The following HUS1 variants were observed in gnomAD, a reference collection of about 807,000 sequenced individuals.
HUS1 encodes HUS1 checkpoint clamp component, also known as checkpoint protein HUS1.
In HUS1, 31 loss-of-function variants were observed where a neutral mutation model predicts 32.6. That is an observed-to-expected ratio of 0.95 (90% CI 0.72 to 1.28). The LOEUF is 1.28. Among genes scored for constraint, HUS1 ranks in the 50% most tolerant of loss-of-function variants. The pLI is 0.00. For synonymous variants in HUS1, 123 were observed against 116.6 expected (o/e 1.06, Z -0.36); for missense variants, 340 against 337.7 (o/e 1.01, Z -0.05).
At chr7:47,976,067 T>G in intron 4 of HUS1, 1 of 323,950 alleles carries the variant, frequency 3.1e-6, no homozygotes, top group Non-Finnish European at 6.0e-6. Context: ...CACCTATGAT[T>G]CAAGGGCCTT....
At chr7:47,971,347 A>C in intron 5 of HUS1, 1 of 367,236 alleles carries the variant, frequency 2.7e-6, no homozygotes, top group Non-Finnish European at 5.5e-6. Context: ...CAAACTCCAC[A>C]CGCCCAGGCT....
At position 47,969,290 on chromosome 7, in the gene HUS1, A is replaced by C; in HGVS notation, c.569T>G (p.Leu190Trp). The C allele has an allele frequency of 6.3e-7, 1 of 1,590,262 alleles. No homozygotes were observed. Among genetic ancestry groups the C allele is most frequent in the Non-Finnish European group, 8.6e-7 (1 of 1,161,522 alleles). The change falls in exon 6 of 8, where the codon TTG (leucine) becomes TGG (tryptophan). Residue 190 changes from leucine to tryptophan, a missense_variant. Physicochemically the swap from Leu to Trp is moderately conservative, Grantham distance 61 (BLOSUM62 -2). Transcript: ENST00000258774. ...TAATTCAGTTTCTATTTTCAAATTC[A>C]ATTCTCCATCTAGGTTTGCTTCAAT... The part of the protein sequence containing the change: ...LVIEANLDGE[L>W]NLKIETELVC...
intron 7 of HUS1, among the ~76,000 whole-genome samples, chr7:47,966,903 C>G (rs969767329): frequency 6.6e-6 from 1 of 152,242 alleles, no homozygotes; most frequent in Non-Finnish European, 1.5e-5. Context: ...ATATCTCCTT[C>G]TGTGCCCATC....
At chr7:47,969,161 A>T in intron 6 of HUS1, 58 bp downstream of exon 6, 1 of 795,894 alleles carries the variant, frequency 1.3e-6, no homozygotes, top group Non-Finnish European at 2.1e-6. Context: ...CTCAACAGGT[A>T]GGTTATCTGA....
In HUS1 at chr7:47,976,747, C is replaced by T; in HGVS notation, c.448G>A (p.Val150Met). The change falls in exon 4 of 8, where the codon GTG (valine) becomes ATG (methionine). Residue 150 changes from valine (V) to methionine (M), a missense_variant. Physicochemically the swap from Val to Met is conservative, Grantham distance 21 (BLOSUM62 1). Coordinates refer to ENST00000258774, the MANE Select transcript of HUS1 (RefSeq NM_004507.4). ...RKLWKDLQEP[V>M]VPDPDVSIYL... ...TCACCTACATCAGGATCTGGGACCA[C>T]CGGTTCTTGTAAGTCCTTCCACAAT... 6.2e-7 allele frequency: 1 copy of T among 1,609,872 alleles called. No homozygotes were observed. Among genetic ancestry groups the T allele is most frequent in the Non-Finnish European group, 8.5e-7 (1 of 1,176,166 alleles).
chr7:47,972,940 G>A (rs1232876531), intron 5 of HUS1, among the ~76,000 whole-genome samples: 1 of 152,202 alleles, frequency 6.6e-6, no homozygotes, highest in Non-Finnish European at 1.5e-5. Flanking sequence ...ATCTCGAATT[G>A]TAATCCCCAA....
chr7:47,972,051 C>G (rs575071445), intron 5 of HUS1, among the ~76,000 whole-genome samples: 1 of 152,066 alleles, frequency 6.6e-6, no homozygotes, highest in South Asian at 2.1e-4. Context: ...TTTCATTAAT[C>G]CAAAAAAATA....
At chr7:47,971,087 CATAAT>C (rs1788589996) in intron 5 of HUS1, among the ~76,000 whole-genome samples, 2 of 152,058 alleles carry the variant, frequency 1.3e-5, no homozygotes, top group Admixed American at 1.3e-4. Context: ...ATGATGTAGA[CATAAT>C]ATAACCATTA....
intron 5 of HUS1, among the ~76,000 whole-genome samples, chr7:47,974,205 T>C (rs1437493941): frequency 2.0e-5 from 3 of 152,214 alleles, no homozygotes; most frequent in African/African-American, 7.2e-5. Context: ...CATGCAACAC[T>C]TATTGCTGCC....
intron 5 of HUS1, 50 bp downstream of exon 5, chr7:47,975,563 C>T (rs773016435): frequency 8.1e-7 from 1 of 1,236,402 alleles, no homozygotes; most frequent in Admixed American, 1.7e-5. Context: ...AGAACCCACG[C>T]CGTCCCACCA....
At chr7:47,976,525 T>C in intron 4 of HUS1, 1 of 620,782 alleles carries the variant, frequency 1.6e-6, no homozygotes, top group South Asian at 1.5e-5. Flanking sequence ...AGCGAGACAT[T>C]TTCTACATAT....
intron 5 of HUS1, among the ~76,000 whole-genome samples, chr7:47,970,338 C>A (rs184745907): frequency 2.7e-5 from 4 of 150,112 alleles, no homozygotes; most frequent in Admixed American, 6.6e-5. Flanking sequence ...CCAGAGAGCA[C>A]GCACATAAAA....
In HUS1 at chr7:47,978,685, T is replaced by G; in HGVS notation, c.180+4A>C. On this transcript the variant is annotated splice_donor_region_variant and intron_variant, in intron 2 of 7. Coordinates refer to ENST00000258774, the MANE Select transcript of HUS1 (RefSeq NM_004507.4). ...GTGCAGGCCTCTCAGAAGCTTTTGC[T>G]CACCTGTTCCAGCTCACACCACATG... is the stretch of plus-strand genomic sequence containing the variant. 6.2e-7 allele frequency: 1 copy of G among 1,614,122 alleles called. No individual in the cohort carries two copies. Among genetic ancestry groups the G allele is most frequent in the Non-Finnish European group, 8.5e-7 (1 of 1,179,992 alleles).
At chr7:47,967,194 G>C (rs914811567) in intron 7 of HUS1, among the ~76,000 whole-genome samples, 1 of 152,068 alleles carries the variant, frequency 6.6e-6, no homozygotes, top group African/African-American at 2.4e-5. Flanking sequence ...TCAGTAGTAA[G>C]GTGACAAAAA....
rs1487885002 is a variant in HUS1 at position 47,967,857 on chromosome 7, G to A, written c.709C>T (p.Leu237Phe). 5 of 1,613,808 alleles carry A rather than the reference G, an allele frequency of 3.1e-6. No individual in the cohort carries two copies. The highest frequency in any genetic ancestry group is 3.4e-6 in the Non-Finnish European group (4 of 1,179,872). ...TGTTGTCCAGCAAGAAACTGTAGGA[G>A]CTTCCTAATATCTATGTGCACTTCA... ...MAEVHIDIRK[L>F]LQFLAGQQVN... The change falls in exon 7 of 8, where the codon CTC becomes TTC. Residue 237 changes from leucine (L) to phenylalanine (F), a missense_variant. Physicochemically the swap from Leu to Phe is conservative, Grantham distance 22. Coordinates refer to ENST00000258774, the MANE Select transcript of HUS1 (RefSeq NM_004507.4).
chr7:47,974,927 A>G (rs1436664479), intron 5 of HUS1, among the ~76,000 whole-genome samples: 1 of 152,204 alleles, frequency 6.6e-6, no homozygotes, highest in Non-Finnish European at 1.5e-5. Flanking sequence ...TGGCTCACTG[A>G]AAGACACTTG....
chr7:47,979,592 C>G lies in HUS1; in HGVS notation c.-73G>C. On this transcript the variant is annotated 5_prime_UTR_variant, in exon 1 of 8. Transcript: ENST00000258774. ...GCGTCGCGCCCTGAGTGTCCCCGCCCGGAAACACGGCAGCGCGAACAGTGG... is the reference window on the plus strand; with the variant it reads ...GCGTCGCGCCCTGAGTGTCCCCGCCGGGAAACACGGCAGCGCGAACAGTGG... The G allele has an allele frequency of 8.3e-7, 1 of 1,200,216 alleles. No individual in the cohort carries two copies. The highest frequency in any genetic ancestry group is 1.2e-6 in the Non-Finnish European group (1 of 813,278). 74.3% of individuals were successfully genotyped at this position (1,200,216 alleles called of 1,614,324 possible).
chr7:47,975,548 G>A, intron 5 of HUS1, 65 bp downstream of exon 5: 5 of 1,027,794 alleles, frequency 4.9e-6, no homozygotes, highest in South Asian at 3.9e-5. Flanking sequence ...TGCAGGGTGA[G>A]CTGGAGAACC....
intron 5 of HUS1, among the ~76,000 whole-genome samples, 157 bp downstream of exon 5, chr7:47,975,456 T>A (rs547210867): frequency 7.2e-5 from 11 of 152,232 alleles, no homozygotes; most frequent in Admixed American, 3.3e-4. Flanking sequence ...TAAATCCAAC[T>A]AGCAATCTGC....
Sources: gnomAD v4.1 joint callset for allele counts (sites outside exome capture counted in the v4.1 genomes callset) on GRCh38, gnomAD v4.1.1 for gene constraint, MANE v1.5 for transcripts, NCBI Gene and HGNC (gene_info 2026-07-23, HGNC 2026-07-21) for gene names.